RALA: variants seen among roughly 807,000 people sequenced by gnomAD.
The protein encoded by RALA is RAS like proto-oncogene A.
In RALA, 5 loss-of-function variants were observed where a neutral mutation model predicts 24.0. The observed-to-expected ratio is 0.21, with a 90% confidence interval of 0.11 to 0.44. The LOEUF (loss-of-function observed/expected upper bound fraction) is 0.44. Ranked by LOEUF, RALA falls within the 20% of genes least tolerant of loss-of-function variation. The pLI, the probability that RALA is intolerant of heterozygous loss-of-function variation, is 0.99. For missense variants in RALA, 95 were observed against 241.2 expected (o/e 0.39, Z 4.01); for synonymous variants, 77 against 83.8 (o/e 0.92, Z 0.44).
chr7:39,682,892 G>T (rs1256930876), intron 1 of RALA, among the ~76,000 whole-genome samples: 1 of 152,142 alleles, frequency 6.6e-6, no homozygotes, highest in South Asian at 2.1e-4. Flanking sequence ...CGCCCACCTC[G>T]GCCTCCCAAA....
chr7:39,695,557 C>T (rs181171459), intron 3 of RALA, among the ~76,000 whole-genome samples: 6 of 151,932 alleles, frequency 3.9e-5, no homozygotes, highest in African/African-American at 1.4e-4. Flanking sequence ...CACTACTACA[C>T]CCAGCCAAAT....
At chr7:39,689,444 G>C (rs949973135) in intron 2 of RALA, among the ~76,000 whole-genome samples, 1 of 152,132 alleles carries the variant, frequency 6.6e-6, no homozygotes, top group African/African-American at 2.4e-5. Flanking sequence ...ACTGTTATAG[G>C]CTTTAGAGAT....
At chr7:39,671,985 A>G (rs899451070) in intron 1 of RALA, among the ~76,000 whole-genome samples, 2 of 152,082 alleles carry the variant, frequency 1.3e-5, no homozygotes, top group African/African-American at 4.8e-5. Flanking sequence ...CCATCTCTTT[A>G]TAATAAATTA....
At chr7:39,654,478 A>T (rs1792066144) in intron 1 of RALA, among the ~76,000 whole-genome samples, 1 of 152,104 alleles carries the variant, frequency 6.6e-6, no homozygotes, top group Non-Finnish European at 1.5e-5. Flanking sequence ...AAATTGTAAA[A>T]ATTATCTCCC....
chr7:39,650,405 TAGAA>T (rs1405890504), intron 1 of RALA, among the ~76,000 whole-genome samples: 1 of 152,204 alleles, frequency 6.6e-6, no homozygotes, highest in East Asian at 1.9e-4. Flanking sequence ...AAATATTTAC[TAGAA>T]AGAGTTTGCC....
At chr7:39,666,579 A>G (rs188998706) in intron 1 of RALA, among the ~76,000 whole-genome samples, 1 of 152,238 alleles carries the variant, frequency 6.6e-6, no homozygotes, top group Non-Finnish European at 1.5e-5. Context: ...CTTATACAGG[A>G]AGGATCTTAA....
At chr7:39,648,567 G>T (rs1791968074) in intron 1 of RALA, among the ~76,000 whole-genome samples, 2 of 152,152 alleles carry the variant, frequency 1.3e-5, no homozygotes, top group Non-Finnish European at 2.9e-5. Context: ...CTGCAGAGAG[G>T]AGTCCTAAAG....
intron 4 of RALA, 122 bp from the exon 5 acceptor site, chr7:39,706,001 C>T: frequency 1.1e-6 from 1 of 876,684 alleles, no homozygotes; most frequent in South Asian, 2.0e-5. Context: ...GCTCTGTACT[C>T]CCAAACAAGA....
At position 39,706,373 on chromosome 7, in the gene RALA, T is replaced by A; in HGVS notation, c.*128T>A. The A allele has an allele frequency of 9.6e-7, 1 of 1,037,272 alleles. No homozygotes were observed. The highest frequency in any genetic ancestry group is 1.4e-6 in the Non-Finnish European group (1 of 707,620). 64.3% of individuals were successfully genotyped at this position (1,037,272 alleles called of 1,614,324 possible). ...AAATTGTTGTATATCACTAAAAGCA[T>A]GAATTGGAACTGCAATGAAAGTCAA... On this transcript the variant is annotated 3_prime_UTR_variant, in exon 5 of 5. Coordinates refer to ENST00000005257, the MANE Select transcript of RALA (RefSeq NM_005402.4).
intron 1 of RALA, among the ~76,000 whole-genome samples, chr7:39,632,144 G>A (rs151184689): frequency 2.4e-3 from 371 of 152,294 alleles, no homozygotes; most frequent in South Asian, 7.9e-3. Flanking sequence ...AACATCCCCC[G>A]ACTAGGCCCG....
rs147264246 is a variant in RALA, at chr7:39,697,971, G to GTGTGTGTGTA, written c.498+1115_498+1116insGTGTGTATGT. Among the ~76,000 whole-genome samples the GTGTGTGTGTA allele has an allele frequency of 5.2e-3, 770 of 149,448 alleles. 4 individuals are homozygous for GTGTGTGTGTA. The highest frequency in any genetic ancestry group is 0.038 in the South Asian group (179 of 4,662). On this transcript the variant is annotated intron_variant, in intron 4 of 4. Coordinates refer to ENST00000005257, the MANE Select transcript of RALA (RefSeq NM_005402.4). ...CAAGTGTGTGTGTGTGTGTGTGTGT[G>GTGTGTGTGTA]TGTATGTGTGTGTATGTGTGTTTTG...
At chr7:39,699,121 A>AATTTT (rs1792971546) in intron 4 of RALA, among the ~76,000 whole-genome samples, 1 of 61,372 alleles carries the variant, frequency 1.6e-5, no homozygotes, top group Non-Finnish European at 3.4e-5. Flanking sequence ...TAAAAATGTT[A>AATTTT]TTTTTTTTTT....
intron 3 of RALA, among the ~76,000 whole-genome samples, chr7:39,695,936 ATATT>A (rs1259866541): frequency 6.6e-6 from 1 of 152,146 alleles, no homozygotes; most frequent in Non-Finnish European, 1.5e-5. Flanking sequence ...CATTTTTTGA[ATATT>A]TACTCTGTCG....
At chr7:39,682,316 G>C (rs1792618295) in intron 1 of RALA, among the ~76,000 whole-genome samples, 1 of 152,184 alleles carries the variant, frequency 6.6e-6, no homozygotes, top group Non-Finnish European at 1.5e-5. Flanking sequence ...TGCTGCTGCT[G>C]CTGCTGCTGC....
At chr7:39,626,360 G>A (rs940119496) in intron 1 of RALA, among the ~76,000 whole-genome samples, 5 of 152,254 alleles carry the variant, frequency 3.3e-5, no homozygotes, top group African/African-American at 1.2e-4. Context: ...CCTAGCTTGT[G>A]TTTAGTAGAG....
intron 4 of RALA, chr7:39,703,251 C>T (rs1793059915): frequency 6.6e-6 from 1 of 152,106 alleles, no homozygotes; most frequent in African/African-American, 2.4e-5. Context: ...GAATCGAGAC[C>T]TCCTGTCCTA....
At chr7:39,676,484 T>C (rs775445755) in intron 1 of RALA, among the ~76,000 whole-genome samples, 1 of 152,220 alleles carries the variant, frequency 6.6e-6, no homozygotes, top group Non-Finnish European at 1.5e-5. Context: ...ATATTTGCAT[T>C]ATACTTACCG....
chr7:39,662,137 G>T (rs2115997876), intron 1 of RALA, among the ~76,000 whole-genome samples: 1 of 152,242 alleles, frequency 6.6e-6, no homozygotes, highest in Non-Finnish European at 1.5e-5. Flanking sequence ...AGCATGGGTT[G>T]GGGGGCCCTT....
chr7:39,628,937 A>T (rs910926989), intron 1 of RALA, among the ~76,000 whole-genome samples: 24 of 152,218 alleles, frequency 1.6e-4, no homozygotes, highest in African/African-American at 5.8e-4. Context: ...TGAAAAGATA[A>T]AATACATAAA....
Sources: allele counts gnomAD v4.1 joint callset (sites outside exome capture counted in the v4.1 genomes callset), GRCh38; gene constraint gnomAD v4.1.1; transcripts MANE v1.5; gene names NCBI Gene and HGNC (gene_info 2026-07-23, HGNC 2026-07-21).